The following DKK2 variants were observed in gnomAD, a reference collection of about 807,000 sequenced individuals.
DKK2 encodes the protein dickkopf-related protein 2.
A neutral mutation model predicts 28.1 loss-of-function variants in DKK2; 11 were observed. The observed-to-expected ratio is 0.39, with a 90% CI of 0.25 to 0.65. DKK2 has a LOEUF of 0.65. Ranked by LOEUF, DKK2 falls within the 30% of genes least tolerant of loss-of-function variation. The pLI, the probability that DKK2 is intolerant of heterozygous loss-of-function variation, is 0.47. For synonymous variants in DKK2, 135 were observed against 126.5 expected (o/e 1.07, Z -0.45); for missense variants, 326 against 335.5 (o/e 0.97, Z 0.22).
At position 106,980,244 on chromosome 4, in the gene DKK2, A is replaced by C. The variant is rs575731752; in HGVS notation, c.223-54295T>G. 3.9e-5 allele frequency among the ~76,000 whole-genome samples: 6 copies of C among 152,252 alleles called. No individual in the cohort carries two copies. The South Asian group carries it at 1.2e-3, about 32-fold the overall frequency. On this transcript the variant is annotated intron_variant, in intron 1 of 3. Coordinates refer to ENST00000285311, the MANE Select transcript of DKK2 (RefSeq NM_014421.3). ...TTCAACTTAGACTATATGGTTATAT[A>C]TCTTTACTATCTACACATCTATATA...
intron 1 of DKK2, among the ~76,000 whole-genome samples, chr4:106,956,776 T>C (rs1163713237): frequency 6.6e-6 from 1 of 151,638 alleles, no homozygotes; most frequent in African/African-American, 2.4e-5. Flanking sequence ...GACTTAAACA[T>C]TAGACCTAAA....
intron 1 of DKK2, among the ~76,000 whole-genome samples, chr4:106,935,901 G>C (rs1428606162): frequency 6.6e-6 from 1 of 152,160 alleles, no homozygotes; most frequent in Non-Finnish European, 1.5e-5. Flanking sequence ...CTGCAGCTGA[G>C]GGTCCTGTCC....
chr4:106,924,382 A>G (rs1472035439), intron 3 of DKK2, 163 bp downstream of exon 3: 2 of 1,236,704 alleles, frequency 1.6e-6, no homozygotes, highest in Non-Finnish European at 2.2e-6. Context: ...TAAATCTATT[A>G]TGGTCTGTTT....
chr4:107,010,857 T>G (rs1723506661), intron 1 of DKK2, among the ~76,000 whole-genome samples: 1 of 151,078 alleles, frequency 6.6e-6, no homozygotes, highest in Non-Finnish European at 1.5e-5. Flanking sequence ...AATTATTAAT[T>G]CATTAAAAAC....
chr4:107,015,954 T>A (rs1723595577), intron 1 of DKK2, among the ~76,000 whole-genome samples: 1 of 151,808 alleles, frequency 6.6e-6, no homozygotes, highest in Non-Finnish European at 1.5e-5. Context: ...GAGTGAAAAT[T>A]CAAAGAGAAA....
At chr4:107,001,751 T>G (rs1050933627) in intron 1 of DKK2, among the ~76,000 whole-genome samples, 3 of 152,210 alleles carry the variant, frequency 2.0e-5, no homozygotes, top group Admixed American at 6.5e-5. Context: ...ATATGTTGTA[T>G]GTATAAAAGA....
intron 1 of DKK2, among the ~76,000 whole-genome samples, chr4:107,005,340 CAAAA>C (rs35333301): frequency 0.047 from 3,393 of 72,394 alleles, 30 homozygotes; most frequent in African/African-American, 0.06. Flanking sequence ...GACTTGGTCT[CAAAA>C]AAAAAAAAAA....
intron 1 of DKK2, among the ~76,000 whole-genome samples, chr4:106,997,863 C>CTGA: frequency 6.6e-6 from 1 of 152,152 alleles, no homozygotes; most frequent in Non-Finnish European, 1.5e-5. Context: ...TTATTGCCCA[C>CTGA]CAAATTACAA....
intron 1 of DKK2, among the ~76,000 whole-genome samples, chr4:106,993,510 T>C (rs546681828): frequency 1.3e-5 from 2 of 152,266 alleles, no homozygotes; most frequent in East Asian, 3.9e-4. Flanking sequence ...CGTTGGCTAC[T>C]TGGATTGCTG....
intron 1 of DKK2, among the ~76,000 whole-genome samples, chr4:106,994,422 A>T (rs781643458): frequency 6.6e-6 from 1 of 151,936 alleles, no homozygotes; most frequent in African/African-American, 2.4e-5. Flanking sequence ...CTTTCAGAAC[A>T]ATCTCTCTGT....
chr4:106,993,664 T>G lies in DKK2; in HGVS notation c.222+41706A>C, dbSNP rs192796256. 5.9e-5 allele frequency among the ~76,000 whole-genome samples: 9 copies of G among 152,236 alleles called. No homozygotes were observed. In the East Asian group the frequency reaches 1.5e-3, roughly 26 times the overall value. ...CAAAAAGTAATCTCTCAAGCAACTTTGGCACTCTTTTATTGTTTTAAACCT... is the reference window on the plus strand; with the variant it reads ...CAAAAAGTAATCTCTCAAGCAACTTGGGCACTCTTTTATTGTTTTAAACCT... On this transcript the variant is annotated intron_variant, in intron 1 of 3. Transcript: ENST00000285311.
intron 1 of DKK2, among the ~76,000 whole-genome samples, chr4:106,977,307 T>G (rs964459013): frequency 6.6e-6 from 1 of 152,202 alleles, no homozygotes; most frequent in Non-Finnish European, 1.5e-5. Flanking sequence ...TTGGGATAGT[T>G]CTCCTGGATA....
chr4:107,033,644 T>C (rs987703603), intron 1 of DKK2, among the ~76,000 whole-genome samples: 4 of 152,114 alleles, frequency 2.6e-5, no homozygotes, highest in Non-Finnish European at 5.9e-5. Flanking sequence ...TAGATTAGAA[T>C]GGAAAGGAAC....
At chr4:106,942,739 A>T (rs1216520506) in intron 1 of DKK2, among the ~76,000 whole-genome samples, 1 of 152,138 alleles carries the variant, frequency 6.6e-6, no homozygotes, top group Non-Finnish European at 1.5e-5. Flanking sequence ...CAACTTTGCT[A>T]GGGTCAGTCT....
intron 1 of DKK2, among the ~76,000 whole-genome samples, chr4:106,990,574 T>G (rs1383528782): frequency 6.6e-6 from 1 of 152,222 alleles, no homozygotes; most frequent in Non-Finnish European, 1.5e-5. Flanking sequence ...TTGCAGCATT[T>G]GCTCATTTCC....
intron 1 of DKK2, among the ~76,000 whole-genome samples, chr4:107,029,933 C>G (rs113599179): frequency 8.7e-4 from 132 of 152,046 alleles, no homozygotes; most frequent in African/African-American, 3.0e-3. Flanking sequence ...AAATTGACTA[C>G]TTTTGTATTT....
In DKK2 at chr4:106,924,066, T is replaced by C. The variant is rs1002750849; in HGVS notation, c.668A>G (p.His223Arg). 1.2e-6 allele frequency: 2 copies of C among 1,612,848 alleles called. No individual in the cohort carries two copies. Among genetic ancestry groups the C allele is most frequent in the Middle Eastern group, 1.6e-4 (1 of 6,084 alleles). Residue 223 changes from histidine to arginine, a missense_variant, in exon 4 of 4, where the codon CAT (histidine) becomes CGT (arginine). Physicochemically the swap from His to Arg is conservative, Grantham distance 29. Coordinates refer to ENST00000285311, the MANE Select transcript of DKK2 (RefSeq NM_014421.3). The part of the protein sequence containing the change: ...VCTKQRKKGS[H>R]GLEIFQRCDC... ...GCAACGCTGGAAAATTTCCAGCCCA[T>C]GAGAACCCTTCTTGCGTTGTTTGGT...
In DKK2 at chr4:106,923,831, A is replaced by G. The variant is rs1162386081; in HGVS notation, c.*123T>C. The G allele has an allele frequency of 7.5e-6, 10 of 1,337,784 alleles. No individual in the cohort carries two copies. The highest frequency in any genetic ancestry group is 1.4e-5 in the South Asian group (1 of 71,062). 82.9% of individuals were successfully genotyped at this position (1,337,784 alleles called of 1,614,324 possible). On this transcript the variant is annotated 3_prime_UTR_variant, in exon 4 of 4. Coordinates refer to ENST00000285311, the MANE Select transcript of DKK2 (RefSeq NM_014421.3). ...TCTTTCTCCCTTTTTGTGATCATCT[A>G]TATTCTTATCACGTTTCTTATTTTA...
chr4:107,001,075 A>C (rs77348717), intron 1 of DKK2, among the ~76,000 whole-genome samples: 3,607 of 152,134 alleles, frequency 0.024, 49 homozygotes, highest in Middle Eastern at 0.037. Flanking sequence ...AAACAAAAAC[A>C]AAAACCAAAA....
Sources: allele counts gnomAD v4.1 joint callset (sites outside exome capture counted in the v4.1 genomes callset), GRCh38; gene constraint gnomAD v4.1.1; transcripts MANE v1.5; gene names NCBI Gene and HGNC (gene_info 2026-07-23, HGNC 2026-07-21).